AFAP1: variants seen among roughly 807,000 people sequenced by gnomAD.
AFAP1 encodes actin filament associated protein 1.
A neutral mutation model predicts 93.9 loss-of-function variants in AFAP1; 75 were observed. The ratio of observed to expected loss-of-function variants is 0.80; its 90% CI spans 0.66 to 0.97. AFAP1 has a LOEUF of 0.97. Among genes scored for constraint, AFAP1 ranks in the 50% least tolerant of loss-of-function variants. The pLI, the probability that AFAP1 is intolerant of heterozygous loss-of-function variation, is 0.00. For missense variants in AFAP1, 1,201 were observed against 1,050.8 expected (o/e 1.14, Z -1.98); for synonymous variants, 517 against 430.7 (o/e 1.20, Z -2.48).
chr4:7,923,645 A>G (rs147498840), intron 1 of AFAP1, among the ~76,000 whole-genome samples: 2,202 of 152,230 alleles, frequency 0.014, 59 homozygotes, highest in African/African-American at 0.051. Context: ...CGCCCAACTA[A>G]TTTTTGTATT....
chr4:7,883,943 T>C (rs1717997284), intron 1 of AFAP1, among the ~76,000 whole-genome samples: 1 of 152,236 alleles, frequency 6.6e-6, no homozygotes, highest in South Asian at 2.1e-4. Flanking sequence ...ATCATTTGGA[T>C]GTCCCCTCCA....
intron 1 of AFAP1, among the ~76,000 whole-genome samples, chr4:7,874,530 ATTTTTTTTTTTTTTTTTTTTT>A (rs71175435): frequency 1.9e-4 from 10 of 51,498 alleles, no homozygotes; most frequent in African/African-American, 8.8e-4. Flanking sequence ...TGCCCAGCTA[ATTTTTTTTTTTTTTTTTTTTT>A]TTTTTTTTTT....
intron 1 of AFAP1, among the ~76,000 whole-genome samples, chr4:7,875,095 T>C (rs951847631): frequency 1.5e-4 from 23 of 152,214 alleles, no homozygotes; most frequent in African/African-American, 5.5e-4. Context: ...GTCAGTCATA[T>C]AGGTCATGCA....
intron 1 of AFAP1, among the ~76,000 whole-genome samples, chr4:7,926,385 T>C (rs1720739328): frequency 6.6e-6 from 1 of 152,154 alleles, no homozygotes; most frequent in Non-Finnish European, 1.5e-5. Flanking sequence ...TGAGTCAAAA[T>C]GAACCTCTGC....
Position 7,936,604 on chromosome 4 carries a change from T to C in AFAP1, c.-3+3052A>G, listed in dbSNP as rs186638590. Among the ~76,000 whole-genome samples, 301 of 143,366 alleles carry C rather than the reference T, an allele frequency of 2.1e-3. 1 individual carries two copies. The highest frequency in any genetic ancestry group is 0.018 in the Middle Eastern group (5 of 278). 94.1% of individuals were successfully genotyped at this position (143,366 alleles called of 152,430 possible). On this transcript the variant is annotated intron_variant, in intron 1 of 17. Transcript: ENST00000420658. ...GTAATTTTTTTTTTTTTTTTTGAGATGGAGTCTCACTCTGTCACCCAGGCT... is the reference window on the plus strand; with the variant it reads ...GTAATTTTTTTTTTTTTTTTTGAGACGGAGTCTCACTCTGTCACCCAGGCT...
chr4:7,924,761 G>A (rs1720637822), intron 1 of AFAP1, among the ~76,000 whole-genome samples: 1 of 152,090 alleles, frequency 6.6e-6, no homozygotes, highest in Admixed American at 6.6e-5. Context: ...ACAGCCAGGA[G>A]GCCAGCCAGG....
intron 4 of AFAP1, among the ~76,000 whole-genome samples, chr4:7,848,333 C>T (rs1213112098): frequency 6.6e-6 from 1 of 152,058 alleles, no homozygotes; most frequent in Admixed American, 6.5e-5. Context: ...AAGCTGTCTA[C>T]CACCTGGAGA....
At chr4:7,794,060 A>T (rs1338920004) in intron 10 of AFAP1, among the ~76,000 whole-genome samples, 1 of 152,174 alleles carries the variant, frequency 6.6e-6, no homozygotes, top group Non-Finnish European at 1.5e-5. Flanking sequence ...GAGGTCCTAA[A>T]CTGCCTTCCC....
intron 1 of AFAP1, among the ~76,000 whole-genome samples, chr4:7,928,473 C>T (rs1220879719): frequency 6.6e-6 from 1 of 152,126 alleles, no homozygotes; most frequent in Non-Finnish European, 1.5e-5. Context: ...CTGCAACCTC[C>T]GCCTCCCGGG....
At position 7,768,913 on chromosome 4, in the gene AFAP1, G is replaced by A. The variant is rs116834443; in HGVS notation, c.2349C>T (p.Ala783=). ...TEGPVPVNSA[A]VLKKSQAAPG... ...GGGCAGCCTGGCTCTTCTTCAAGACGGCCGCGCTGTTCACCGGCACGGGGC... is the reference window on the plus strand; with the variant it reads ...GGGCAGCCTGGCTCTTCTTCAAGACAGCCGCGCTGTTCACCGGCACGGGGC... Residue 783 remains alanine, a synonymous_variant, in exon 17 of 18, where the codon GCC becomes GCT. Transcript: ENST00000420658. 67 of 1,613,628 alleles carry A rather than the reference G, an allele frequency of 4.2e-5. No homozygotes were observed. In the African/African-American group the frequency reaches 6.1e-4, roughly 15 times the overall value.
At chr4:7,767,215 T>C (rs1714724839) in intron 17 of AFAP1, among the ~76,000 whole-genome samples, 1 of 152,206 alleles carries the variant, frequency 6.6e-6, no homozygotes, top group African/African-American at 2.4e-5. Context: ...GGGACCCATC[T>C]GGACAGCTGG....
At chr4:7,778,952 G>C (rs1716453032) in intron 13 of AFAP1, 76 bp from the exon 14 acceptor site, 1 of 1,149,912 alleles carries the variant, frequency 8.7e-7, no homozygotes, top group Non-Finnish European at 1.2e-6. Flanking sequence ...TTTTTCTGGA[G>C]TCATTTCTTT....
Position 7,798,154 on chromosome 4 carries a change from G to C in AFAP1, c.1266+2288C>G, listed in dbSNP as rs551096630. ...CTGCAACTCTATTGGCTGGCTCACG[G>C]CACTGCAACTCTACTGGCTGGCTCA... On this transcript the variant is annotated intron_variant, in intron 10 of 17. Transcript: ENST00000420658. Among the ~76,000 whole-genome samples the C allele has an allele frequency of 7.8e-3, 854 of 109,990 alleles. 7 individuals carry two copies. The highest frequency in any genetic ancestry group is 0.012 in the Non-Finnish European group (601 of 49,144). 72.2% of individuals were successfully genotyped at this position (109,990 alleles called of 152,430 possible). A position where few individuals can be genotyped will look rare whatever the true frequency, so the allele number is the denominator to read the frequency against.
chr4:7,815,887 A>G (rs970362405), intron 8 of AFAP1, 131 bp downstream of exon 8: 6 of 726,188 alleles, frequency 8.3e-6, no homozygotes, highest in African/African-American at 3.8e-5. Context: ...CTCTGCCATG[A>G]TGACGATATC....
At chr4:7,799,905 C>G (rs538042817) in intron 10 of AFAP1, among the ~76,000 whole-genome samples, 31 of 152,258 alleles carry the variant, frequency 2.0e-4, no homozygotes, top group African/African-American at 6.5e-4. Context: ...GGCTCCGAAA[C>G]AGCAAAGGCG....
In AFAP1 at chr4:7,800,553, G is replaced by C; in HGVS notation, c.1155C>G (p.Thr385=). ...CACGGAGCGGAATAGACACAATATGGGTCTTCAGGTCGGTCCTGTCCTTGT... is the reference window on the plus strand; with the variant it reads ...CACGGAGCGGAATAGACACAATATGCGTCTTCAGGTCGGTCCTGTCCTTGT... ...IFHKDRTDLK[T]HIVSIPLRGC... is the part of the protein sequence containing the mutation. Residue 385 remains threonine (T), a synonymous_variant, in exon 10 of 18, where the codon ACC becomes ACG. Coordinates refer to ENST00000420658, the MANE Select transcript of AFAP1 (RefSeq NM_001134647.2). 3.7e-6 allele frequency: 6 copies of C among 1,614,080 alleles called. No homozygotes were observed. The highest frequency in any genetic ancestry group is 3.4e-6 in the Non-Finnish European group (4 of 1,179,984).
Position 7,778,619 on chromosome 4 carries a change from T to C in AFAP1, c.1897+143A>G, listed in dbSNP as rs1386808470. On this transcript the variant is annotated intron_variant, in intron 14 of 17. Coordinates refer to ENST00000420658, the MANE Select transcript of AFAP1 (RefSeq NM_001134647.2). ...AATCGCCACTGTCCTTCTATGTGGC[T>C]GATGAGGAAGGATGACGGTGCCCAC... 1.7e-4 allele frequency: 134 copies of C among 801,198 alleles called. No individual in the cohort carries two copies. In the South Asian group the frequency reaches 1.9e-3, roughly 11 times the overall value. 49.6% of individuals were successfully genotyped at this position (801,198 alleles called of 1,614,324 possible).
chr4:7,838,375 T>C (rs1712564959), intron 6 of AFAP1, 149 bp downstream of exon 6: 2 of 892,210 alleles, frequency 2.2e-6, no homozygotes, highest in Non-Finnish European at 3.2e-6. Context: ...CTCCATGTCA[T>C]CAGAATATTT....
intron 4 of AFAP1, among the ~76,000 whole-genome samples, chr4:7,854,850 T>C (rs111735615): frequency 1.5e-4 from 23 of 152,302 alleles, no homozygotes; most frequent in African/African-American, 5.3e-4. Flanking sequence ...CAGAAATGAA[T>C]TCCGGAGACT....
Sources: allele counts gnomAD v4.1 joint callset (sites outside exome capture counted in the v4.1 genomes callset), GRCh38; gene constraint gnomAD v4.1.1; transcripts MANE v1.5; gene names NCBI Gene and HGNC (gene_info 2026-07-23, HGNC 2026-07-21).